GRIK2: variants seen among roughly 807,000 people sequenced by gnomAD.
The protein encoded by GRIK2 is glutamate ionotropic receptor kainate type subunit 2.
GRIK2 carries 32 observed loss-of-function variants against 100.3 expected under a neutral mutation model. The observed-to-expected ratio is 0.32, with a 90% CI of 0.24 to 0.43. GRIK2 has a LOEUF of 0.43. Ranked by LOEUF, GRIK2 falls within the 20% of genes least tolerant of loss-of-function variation. GRIK2 has a pLI of 1.00. For missense variants in GRIK2, 843 were observed against 1,114.9 expected (o/e 0.76, Z 3.47); for synonymous variants, 417 against 389.4 (o/e 1.07, Z -0.83).
intron 16 of GRIK2, chr6:102,065,865 A>G: frequency 6.8e-7 from 1 of 1,468,428 alleles, no homozygotes; most frequent in Non-Finnish European, 9.1e-7. Flanking sequence ...CCATTTCTAC[A>G]GTGTTGTCAT....
intron 5 of GRIK2, among the ~76,000 whole-genome samples, chr6:101,679,267 T>C (rs1771068730): frequency 6.6e-6 from 1 of 152,202 alleles, no homozygotes; most frequent in South Asian, 2.1e-4. Flanking sequence ...CCCCCTCATA[T>C]TGTTGACCTT....
intron 14 of GRIK2, among the ~76,000 whole-genome samples, chr6:102,003,350 G>A (rs74977814): frequency 0.038 from 5,817 of 151,542 alleles, 163 homozygotes; most frequent in Non-Finnish European, 0.058. Context: ...TCATGCTTAT[G>A]TTTCTATTTT....
At chr6:101,555,730 T>C (rs1198038555) in intron 2 of GRIK2, among the ~76,000 whole-genome samples, 1 of 152,228 alleles carries the variant, frequency 6.6e-6, no homozygotes, top group Non-Finnish European at 1.5e-5. Flanking sequence ...TGAGTCAATC[T>C]ATAAAGTGGA....
At chr6:101,813,488 C>T (rs1489762374) in intron 9 of GRIK2, among the ~76,000 whole-genome samples, 1 of 152,128 alleles carries the variant, frequency 6.6e-6, no homozygotes, top group Non-Finnish European at 1.5e-5. Context: ...AAAGCAAATA[C>T]TCAGAAGAAA....
intron 12 of GRIK2, among the ~76,000 whole-genome samples, chr6:101,923,330 A>G (rs968107297): frequency 6.6e-6 from 1 of 152,104 alleles, no homozygotes; most frequent in African/African-American, 2.4e-5. Context: ...TGGGAAAAAT[A>G]TTTTTTTAGT....
intron 7 of GRIK2, among the ~76,000 whole-genome samples, chr6:101,692,039 C>CAAAAAAAAAAAAAAAA (rs60210939): frequency 1.3e-5 from 1 of 78,390 alleles, no homozygotes; most frequent in African/African-American, 4.9e-5. Flanking sequence ...CACCCCGTCT[C>CAAAAAAAAAAAAAAAA]AAAAAAAAAA....
intron 7 of GRIK2, among the ~76,000 whole-genome samples, chr6:101,750,178 C>T (rs1276555640): frequency 2.0e-5 from 3 of 151,908 alleles, no homozygotes; most frequent in Non-Finnish European, 4.4e-5. Context: ...TTCATAATTA[C>T]CCGGTTGAGG....
intron 15 of GRIK2, among the ~76,000 whole-genome samples, chr6:102,051,470 A>G (rs945478502): frequency 6.6e-6 from 1 of 152,200 alleles, no homozygotes; most frequent in Non-Finnish European, 1.5e-5. Context: ...TATAGAAAGT[A>G]CCAAAGATTA....
chr6:101,569,249 A>G (rs1777425033), intron 2 of GRIK2, among the ~76,000 whole-genome samples: 1 of 152,090 alleles, frequency 6.6e-6, no homozygotes. Flanking sequence ...AGTATAAACG[A>G]TAAACATTTA....
intron 7 of GRIK2, among the ~76,000 whole-genome samples, chr6:101,796,129 T>A (rs2128411502): frequency 6.6e-6 from 1 of 152,316 alleles, no homozygotes; most frequent in South Asian, 2.1e-4. Context: ...ATTATATGGA[T>A]TAAATCCAGC....
At chr6:101,806,585 A>G (rs1174055685) in intron 9 of GRIK2, among the ~76,000 whole-genome samples, 3 of 150,200 alleles carry the variant, frequency 2.0e-5, no homozygotes, top group Non-Finnish European at 4.4e-5. Context: ...TCATCATGTC[A>G]TCATGTTCTC....
At position 101,601,038 on chromosome 6, in the gene GRIK2, T is replaced by G. The variant is rs7768258; in HGVS notation, c.116-20911T>G. On this transcript the variant is annotated intron_variant, in intron 2 of 16. Transcript: ENST00000369134. Reference sequence around the variant, plus strand: ...GGGGAATGGTTCAAACTTTTGCCCATTTGGTATGATGTTGGCTGTGTGTTT... The same window carrying G: ...GGGGAATGGTTCAAACTTTTGCCCAGTTGGTATGATGTTGGCTGTGTGTTT... Among the ~76,000 whole-genome samples, 1,056 of 151,896 alleles carry G rather than the reference T, an allele frequency of 7.0e-3. 14 individuals carry two copies. The highest frequency in any genetic ancestry group is 0.024 in the African/African-American group (988 of 41,498).
At chr6:101,550,522 T>C (rs1286771025) in intron 2 of GRIK2, among the ~76,000 whole-genome samples, 2 of 152,196 alleles carry the variant, frequency 1.3e-5, no homozygotes, top group African/African-American at 4.8e-5. Flanking sequence ...TTGAAACAGC[T>C]TTGTAATGTC....
intron 7 of GRIK2, among the ~76,000 whole-genome samples, chr6:101,790,630 TG>T (rs1396120956): frequency 6.8e-6 from 1 of 148,008 alleles, no homozygotes; most frequent in African/African-American, 2.5e-5. Flanking sequence ...TGAGGATTTT[TG>T]CATCAATGTT....
At chr6:101,615,613 A>T (rs1779855100) in intron 2 of GRIK2, among the ~76,000 whole-genome samples, 1 of 151,932 alleles carries the variant, frequency 6.6e-6, no homozygotes, top group Admixed American at 6.6e-5. Context: ...CTCTTCATGG[A>T]TCACATGCTT....
At chr6:101,867,785 T>G (rs1242144092) in intron 11 of GRIK2, among the ~76,000 whole-genome samples, 1 of 151,258 alleles carries the variant, frequency 6.6e-6, no homozygotes, top group Admixed American at 6.6e-5. Context: ...TTAAATTTTT[T>G]TTTGCTGTGA....
At chr6:102,010,510 A>C (rs1169995643) in intron 14 of GRIK2, among the ~76,000 whole-genome samples, 2 of 151,880 alleles carry the variant, frequency 1.3e-5, no homozygotes, top group African/African-American at 4.8e-5. Context: ...CAGCCTCCCC[A>C]GTAGCTGGGA....
In GRIK2 at chr6:101,637,279, C is replaced by A. The variant is rs12200705; in HGVS notation, c.541+10642C>A. ...TTGTTTGTACTGACCTCCATATTCA[C>A]AGTTCCAGCCATCACTGATCATCTT... On this transcript the variant is annotated intron_variant, in intron 4 of 16. Transcript: ENST00000369134. Among the ~76,000 whole-genome samples the A allele has an allele frequency of 4.1e-3, 627 of 152,222 alleles. 3 individuals are homozygous for A. Among genetic ancestry groups the A allele is most frequent in the Non-Finnish European group, 6.6e-3 (446 of 68,022 alleles).
At chr6:101,807,101 A>C (rs1009252149) in intron 9 of GRIK2, among the ~76,000 whole-genome samples, 1 of 151,924 alleles carries the variant, frequency 6.6e-6, no homozygotes, top group African/African-American at 2.4e-5. Flanking sequence ...ACGCTTACTC[A>C]AGTGTCTGAT....
Sources: gnomAD v4.1 joint callset for allele counts (sites outside exome capture counted in the v4.1 genomes callset) on GRCh38, gnomAD v4.1.1 for gene constraint, MANE v1.5 for transcripts, NCBI Gene and HGNC (gene_info 2026-07-23, HGNC 2026-07-21) for gene names.